GPC5: variants seen among roughly 807,000 people sequenced by gnomAD.
GPC5 encodes the protein glypican-5.
A neutral mutation model predicts 53.9 loss-of-function variants in GPC5; 47 were observed. The ratio of observed to expected loss-of-function variants is 0.87; its 90% CI spans 0.69 to 1.11. The LOEUF is 1.11. GPC5 is among the 50% of genes most tolerant of loss of function. The pLI is 0.00. For synonymous variants in GPC5, 286 were observed against 263.3 expected (o/e 1.09, Z -0.84); for missense variants, 748 against 713.1 (o/e 1.05, Z -0.56).
At chr13:91,569,817 C>A (rs1189908759) in intron 2 of GPC5, among the ~76,000 whole-genome samples, 3 of 152,090 alleles carry the variant, frequency 2.0e-5, no homozygotes, top group Non-Finnish European at 2.9e-5. Context: ...GTGAGGACAC[C>A]TTGACAGTGC....
chr13:92,533,780 G>GGAGGAAA (rs1881637105), intron 7 of GPC5, among the ~76,000 whole-genome samples: 1 of 152,194 alleles, frequency 6.6e-6, no homozygotes, highest in Admixed American at 6.5e-5. Flanking sequence ...GGGAATTCAT[G>GGAGGAAA]ATGGCGGGCT....
chr13:91,435,893 A>G (rs1299352988), intron 1 of GPC5, among the ~76,000 whole-genome samples: 1 of 152,134 alleles, frequency 6.6e-6, no homozygotes, highest in African/African-American at 2.4e-5. Flanking sequence ...CAGAGATTCA[A>G]CTTCTTCCTG....
intron 2 of GPC5, among the ~76,000 whole-genome samples, chr13:91,503,484 A>G (rs530990413): frequency 1.3e-5 from 2 of 152,196 alleles, no homozygotes; most frequent in African/African-American, 4.8e-5. Context: ...AATATTTACA[A>G]TTAATAATTA....
intron 5 of GPC5, among the ~76,000 whole-genome samples, chr13:91,816,534 C>T (rs1293150906): frequency 6.6e-6 from 1 of 152,122 alleles, no homozygotes; most frequent in Non-Finnish European, 1.5e-5. Context: ...TAATTTACTA[C>T]TTAGTCATTT....
chr13:91,886,634 C>T (rs2039325305), intron 5 of GPC5, among the ~76,000 whole-genome samples: 1 of 152,244 alleles, frequency 6.6e-6, no homozygotes, highest in South Asian at 2.1e-4. Flanking sequence ...TGGGTACTCC[C>T]AAGGTATTTA....
chr13:92,144,464 C>T lies in GPC5; in HGVS notation c.1402-366C>T, dbSNP rs1010088116. On this transcript the variant is annotated intron_variant, in intron 6 of 7. Coordinates refer to ENST00000377067, the MANE Select transcript of GPC5 (RefSeq NM_004466.6). The stretch of plus-strand genomic sequence containing the variant: ...TTACAAAACAGCACAAAATTATCAG[C>T]CAATATACTACAGAGGGAGTACTAG... Among the ~76,000 whole-genome samples the T allele has an allele frequency of 9.2e-5, 14 of 152,216 alleles. No individual in the cohort carries two copies. In the East Asian group the frequency reaches 9.7e-4, roughly 10 times the overall value.
intron 7 of GPC5, among the ~76,000 whole-genome samples, chr13:92,446,255 C>T (rs1024633324): frequency 6.6e-6 from 1 of 151,628 alleles, no homozygotes; most frequent in Non-Finnish European, 1.5e-5. Context: ...CCCTGGTACC[C>T]TTCCCAGCCT....
intron 1 of GPC5, among the ~76,000 whole-genome samples, chr13:91,410,601 C>T (rs984235074): frequency 2.6e-5 from 4 of 151,840 alleles, no homozygotes; most frequent in Admixed American, 2.0e-4. Flanking sequence ...CCGCCTTGGC[C>T]TCCCAAAGAG....
intron 7 of GPC5, among the ~76,000 whole-genome samples, chr13:92,154,680 C>T (rs749044051): frequency 1.3e-5 from 2 of 152,102 alleles, no homozygotes; most frequent in Non-Finnish European, 2.9e-5. Flanking sequence ...CCTTAAAATA[C>T]TTACTAGTTT....
chr13:92,251,843 C>T (rs1488829749), intron 7 of GPC5, among the ~76,000 whole-genome samples: 1 of 152,066 alleles, frequency 6.6e-6, no homozygotes, highest in African/African-American at 2.4e-5. Flanking sequence ...TTTATTCTGG[C>T]TCATTTTTAA....
intron 5 of GPC5, among the ~76,000 whole-genome samples, chr13:91,813,882 G>C (rs1029433037): frequency 3.6e-5 from 5 of 140,372 alleles, no homozygotes; most frequent in African/African-American, 1.3e-4. Context: ...CACTGGTTTT[G>C]ATAAGATAAT....
chr13:91,794,296 CT>C (rs1367243912), intron 5 of GPC5, among the ~76,000 whole-genome samples: 1 of 152,146 alleles, frequency 6.6e-6, no homozygotes, highest in Non-Finnish European at 1.5e-5. Context: ...TTATAAGCCC[CT>C]GATCCAGAAC....
intron 7 of GPC5, among the ~76,000 whole-genome samples, chr13:92,607,510 C>CT (rs545588749): frequency 6.6e-6 from 1 of 152,016 alleles, no homozygotes; most frequent in Non-Finnish European, 1.5e-5. Context: ...TAAGAACAGA[C>CT]TTTTTTTCCT....
intron 5 of GPC5, among the ~76,000 whole-genome samples, chr13:91,887,659 G>A (rs2039339891): frequency 6.6e-6 from 1 of 152,064 alleles, no homozygotes; most frequent in Non-Finnish European, 1.5e-5. Context: ...AATTTCCATA[G>A]ATCTCTGGGG....
At chr13:92,047,032 C>G (rs1354194333) in intron 6 of GPC5, among the ~76,000 whole-genome samples, 2 of 152,128 alleles carry the variant, frequency 1.3e-5, no homozygotes, top group African/African-American at 4.8e-5. Flanking sequence ...TATTTTTCCT[C>G]CCTAGCACAG....
intron 7 of GPC5, among the ~76,000 whole-genome samples, chr13:92,203,084 T>A (rs2042306419): frequency 6.6e-6 from 1 of 152,218 alleles, no homozygotes; most frequent in South Asian, 2.1e-4. Flanking sequence ...ACAAACTGGA[T>A]GTGGAGCCCA....
At chr13:92,226,294 T>A (rs551838432) in intron 7 of GPC5, among the ~76,000 whole-genome samples, 2 of 152,360 alleles carry the variant, frequency 1.3e-5, no homozygotes, top group East Asian at 3.9e-4. Flanking sequence ...AGTTCATTTT[T>A]ATTTAAACTT....
At chr13:91,793,907 A>G (rs2038007799) in intron 5 of GPC5, among the ~76,000 whole-genome samples, 1 of 152,014 alleles carries the variant, frequency 6.6e-6, no homozygotes, top group Admixed American at 6.5e-5. Flanking sequence ...ACCTCCCTCA[A>G]CATGTTGGGA....
Position 92,473,514 on chromosome 13 carries a change from G to A in GPC5, c.1561+328525G>A, listed in dbSNP as rs114282369. ...TCAAAACAAATGATTCTCATCAATA[G>A]TATTATGTGTTCTCTTAACAGATTG... On this transcript the variant is annotated intron_variant, in intron 7 of 7. Transcript: ENST00000377067. 5.3e-3 allele frequency among the ~76,000 whole-genome samples: 812 copies of A among 152,164 alleles called. 7 individuals carry two copies. The highest frequency in any genetic ancestry group is 0.018 in the African/African-American group (768 of 41,536).
Sources: gnomAD v4.1 joint callset for allele counts (sites outside exome capture counted in the v4.1 genomes callset) on GRCh38, gnomAD v4.1.1 for gene constraint, MANE v1.5 for transcripts, NCBI Gene and HGNC (gene_info 2026-07-23, HGNC 2026-07-21) for gene names.